CLEC16A: variants seen among roughly 807,000 people sequenced by gnomAD.
The protein encoded by CLEC16A is C-type lectin domain containing 16A.
Under a neutral mutation model 109.5 loss-of-function variants are expected in CLEC16A, and 51 were observed. That is an observed-to-expected ratio of 0.47 (90% confidence interval 0.37 to 0.59). The LOEUF (loss-of-function observed/expected upper bound fraction) is 0.59, where lower values mean the gene tolerates loss of function less well. Ranked by LOEUF, CLEC16A falls within the 20% of genes least tolerant of loss-of-function variation. The pLI is 0.00. For synonymous variants in CLEC16A, 673 were observed against 564.2 expected, an observed-to-expected ratio of 1.19 and a Z score of -2.73; for missense variants, 1,339 against 1,394.0, an observed-to-expected ratio of 0.96 and a Z score of 0.63.
At chr16:10,947,202 G>A (rs1197913348) in intron 1 of CLEC16A, among the ~76,000 whole-genome samples, 7 of 152,136 alleles carry the variant, frequency 4.6e-5, no homozygotes, top group African/African-American at 1.4e-4. Context: ...GTGTATTGGT[G>A]GGGGGGTTAG....
At chr16:11,077,963 AC>A (rs1202577990) in intron 19 of CLEC16A, among the ~76,000 whole-genome samples, 100 of 122,210 alleles carry the variant, frequency 8.2e-4, no homozygotes, top group African/African-American at 3.2e-3. Context: ...ACAAAAAAAA[AC>A]GTGTGTGTGT....
intron 11 of CLEC16A, among the ~76,000 whole-genome samples, chr16:11,016,354 CT>C (rs111279202): frequency 0.47 from 66,446 of 141,360 alleles, 15,941 homozygotes; most frequent in African/African-American, 0.64. Flanking sequence ...CTTTTTTTTT[CT>C]TTTTTTTTTT....
At chr16:11,079,226 G>A (rs1196018639) in intron 19 of CLEC16A, among the ~76,000 whole-genome samples, 1 of 152,202 alleles carries the variant, frequency 6.6e-6, no homozygotes, top group East Asian at 1.9e-4. Flanking sequence ...CCTATCTCTT[G>A]TGGTTGTTCT....
intron 1 of CLEC16A, among the ~76,000 whole-genome samples, chr16:10,957,014 C>CT (rs1458624974): frequency 1.3e-5 from 2 of 152,172 alleles, no homozygotes; most frequent in Non-Finnish European, 2.9e-5. Context: ...CCAGGCTGGT[C>CT]TTGAGCTCCT....
At chr16:11,144,620 A>G (rs2053978175) in intron 22 of CLEC16A, among the ~76,000 whole-genome samples, 1 of 152,232 alleles carries the variant, frequency 6.6e-6, no homozygotes, top group African/African-American at 2.4e-5. Context: ...GAGCCAGGCC[A>G]GCCCTGTGGT....
intron 13 of CLEC16A, chr16:11,027,543 G>T: frequency 6.4e-7 from 1 of 1,558,964 alleles, no homozygotes. Flanking sequence ...CACAGTGATT[G>T]AGGAGCACCT....
chr16:10,962,736 A>G (rs1232059345), intron 3 of CLEC16A, 148 bp downstream of exon 3: 2 of 910,404 alleles, frequency 2.2e-6, no homozygotes, highest in Non-Finnish European at 3.3e-6. Flanking sequence ...AACAATAGAG[A>G]TTTGTTTTCT....
chr16:11,023,874 G>C (rs939649974), intron 12 of CLEC16A, among the ~76,000 whole-genome samples: 5 of 152,210 alleles, frequency 3.3e-5, no homozygotes, highest in Non-Finnish European at 7.3e-5. Context: ...GACAGTGGGA[G>C]GATCAGAGCC....
At chr16:10,951,655 G>A (rs1444044179) in intron 1 of CLEC16A, among the ~76,000 whole-genome samples, 4 of 152,244 alleles carry the variant, frequency 2.6e-5, no homozygotes, top group African/African-American at 9.6e-5. Context: ...GAGACTGGCA[G>A]TAATAGGAAG....
At chr16:11,055,182 C>G (rs2048145886) in intron 18 of CLEC16A, among the ~76,000 whole-genome samples, 1 of 152,124 alleles carries the variant, frequency 6.6e-6, no homozygotes, top group African/African-American at 2.4e-5. Context: ...CTCTTTTTAC[C>G]TAGTGAGGTA....
chr16:11,171,003 C>T (rs1236870781), intron 23 of CLEC16A, among the ~76,000 whole-genome samples: 1 of 152,106 alleles, frequency 6.6e-6, no homozygotes, highest in Non-Finnish European at 1.5e-5. Context: ...CACATGAGGC[C>T]ACCAGGGTCC....
At chr16:11,011,319 C>G (rs1000004510) in intron 11 of CLEC16A, among the ~76,000 whole-genome samples, 1 of 151,674 alleles carries the variant, frequency 6.6e-6, no homozygotes, top group Admixed American at 6.6e-5. Flanking sequence ...TAAGCAAGAC[C>G]TTTCCCTTCT....
chr16:11,113,788 T>C (rs2051769998), intron 19 of CLEC16A, among the ~76,000 whole-genome samples: 1 of 152,256 alleles, frequency 6.6e-6, no homozygotes, highest in South Asian at 2.1e-4. Context: ...TCATTGCTCC[T>C]TGGTGTTACA....
intron 13 of CLEC16A, chr16:11,027,872 C>G: frequency 1.6e-6 from 1 of 637,846 alleles, no homozygotes; most frequent in Non-Finnish European, 2.8e-6. Context: ...ATTTCCTGCT[C>G]TGTCTTCAAA....
At chr16:11,084,393 A>C (rs1006980560) in intron 19 of CLEC16A, among the ~76,000 whole-genome samples, 4 of 152,058 alleles carry the variant, frequency 2.6e-5, no homozygotes, top group African/African-American at 4.8e-5. Flanking sequence ...TTCTTATTCA[A>C]AGTTGGATCC....
chr16:11,157,042 C>G, intron 22 of CLEC16A: 2 of 1,297,826 alleles, frequency 1.5e-6, no homozygotes, highest in Non-Finnish European at 2.0e-6. Context: ...AGAGAGAAAG[C>G]AAGATACTGA....
chr16:11,150,926 T>TGTGAAA (rs2054269322), intron 22 of CLEC16A, among the ~76,000 whole-genome samples: 1 of 152,196 alleles, frequency 6.6e-6, no homozygotes, highest in Non-Finnish European at 1.5e-5. Flanking sequence ...TCACGTGATG[T>TGTGAAA]TCTACCTGTG....
At chr16:11,175,134 C>A (rs1245794690) in intron 23 of CLEC16A, among the ~76,000 whole-genome samples, 1 of 152,200 alleles carries the variant, frequency 6.6e-6, no homozygotes, top group Non-Finnish European at 1.5e-5. Context: ...CACAACAAAT[C>A]CAAGTTTTTG....
chr16:11,178,112 T>A lies in CLEC16A; in HGVS notation c.2807-223T>A, dbSNP rs530997667. 2.5e-4 allele frequency among the ~76,000 whole-genome samples: 38 copies of A among 152,244 alleles called. No individual in the cohort carries two copies. Among genetic ancestry groups the A allele is most frequent in the Non-Finnish European group, 5.0e-4 (34 of 68,010 alleles). ...TTTCCCCTCATATCACAAGTCAGGG[T>A]AACCCTAGGCCCTGCTGTATTTTCC... On this transcript the variant is annotated intron_variant, in intron 23 of 23. Transcript: ENST00000409790. This position sits in a 1 kb window ranked among gnomAD's most constrained non-coding sequence, Gnocchi z 6.5.
Sources: allele counts gnomAD v4.1 joint callset (sites outside exome capture counted in the v4.1 genomes callset), GRCh38; gene constraint gnomAD v4.1.1; non-coding constraint Gnocchi (gnomAD v3.1); transcripts MANE v1.5; gene names NCBI Gene and HGNC (gene_info 2026-07-23, HGNC 2026-07-21).